Variants in KRT86 observed in about 807,000 individuals in gnomAD.
KRT86 encodes the protein keratin, type II cuticular Hb6.
A neutral mutation model predicts 41.2 loss-of-function variants in KRT86; 30 were observed. The ratio of observed to expected loss-of-function variants is 0.73; its 90% CI spans 0.54 to 0.99. The LOEUF (loss-of-function observed/expected upper bound fraction) is 0.99. KRT86 is among the 50% of genes least tolerant of loss of function. KRT86 has a pLI of 0.00. For synonymous variants in KRT86, 238 were observed against 238.1 expected (o/e 1.00, Z 0.00); for missense variants, 561 against 571.4 (o/e 0.98, Z 0.19).
intron 2 of KRT86, among the ~76,000 whole-genome samples, chr12:52,296,206 G>C (rs1565745204): frequency 6.6e-6 from 1 of 152,196 alleles, no homozygotes; most frequent in Non-Finnish European, 1.5e-5. Flanking sequence ...TGCATGGGTG[G>C]AGAAGAAAAT....
chr12:52,286,324 G>A (rs370312171), intron 2 of KRT86: 22 of 1,554,534 alleles, frequency 1.4e-5, no homozygotes, highest in Admixed American at 1.2e-4. Context: ...AGCCCACGCC[G>A]CAGGAACCCC....
intron 2 of KRT86, chr12:52,287,505 T>C: frequency 6.2e-7 from 1 of 1,611,278 alleles, no homozygotes; most frequent in Non-Finnish European, 8.5e-7. Context: ...GGGTGGAGAA[T>C]GAATGCTGAG....
chr12:52,296,513 G>A (rs931684560), intron 2 of KRT86, among the ~76,000 whole-genome samples: 17 of 152,168 alleles, frequency 1.1e-4, no homozygotes, highest in Admixed American at 8.5e-4. Context: ...TACCAGGGTG[G>A]AGCTTTTGAG....
chr12:52,282,272 G>A (rs557218152), intron 2 of KRT86, among the ~76,000 whole-genome samples: 3 of 148,352 alleles, frequency 2.0e-5, no homozygotes, highest in Non-Finnish European at 3.0e-5. Context: ...TTGCTCTGTC[G>A]CCCAGGCTGG....
At chr12:52,284,194 GT>G (rs1185475414) in intron 2 of KRT86, among the ~76,000 whole-genome samples, 2 of 152,080 alleles carry the variant, frequency 1.3e-5, no homozygotes, top group Admixed American at 1.3e-4. Flanking sequence ...GCTGCTTCTT[GT>G]TTTTTTATTT....
rs558242010 is a variant in KRT86, at chr12:52,275,911, T to C, written c.-40T>C. On this transcript the variant is annotated 5_prime_UTR_variant, in exon 2 of 11. Transcript: ENST00000423955. ...GAACAGGCTTAATCAGGCCATCCAG[T>C]GGCTGACGGTGGAGGTGGGCAGTGC... 4.1e-6 allele frequency: 4 copies of C among 986,004 alleles called. No individual in the cohort carries two copies. In the South Asian group the frequency reaches 1.9e-4, roughly 46 times the overall value. 61.1% of individuals were successfully genotyped at this position (986,004 alleles called of 1,614,324 possible).
rs752055470 is a variant in KRT86, at chr12:52,286,392, C to G, written c.-5+10446C>G. 3 of 1,555,348 alleles carry G rather than the reference C, an allele frequency of 1.9e-6. No individual in the cohort carries two copies. In the Admixed American group the frequency reaches 5.8e-5, roughly 30 times the overall value. The stretch of plus-strand genomic sequence containing the variant: ...GCACACAGGCCGGTGCTCACCGCCA[C>G]GTTCCCGTTGCACGGAGCGCTGCAG... On this transcript the variant is annotated intron_variant, in intron 2 of 10. Coordinates refer to ENST00000423955, the MANE Select transcript of KRT86 (RefSeq NM_001320198.2).
In KRT86 at chr12:52,288,336, T is replaced by C. The variant is rs376872589; in HGVS notation, c.-5+12390T>C. The C allele has an allele frequency of 5.2e-4, 832 of 1,613,488 alleles. 1 individual carries two copies. In the African/African-American group the frequency reaches 7.4e-3, roughly 14 times the overall value. ...CTCTCCTCTCTGCTGGCTGCCAGGT[T>C]TCTGTCTGGCCCCTGAGCCCGCACC... On this transcript the variant is annotated intron_variant, in intron 2 of 10. Coordinates refer to ENST00000423955, the MANE Select transcript of KRT86 (RefSeq NM_001320198.2).
At chr12:52,282,857 T>C (rs1052475990) in intron 2 of KRT86, among the ~76,000 whole-genome samples, 10 of 152,216 alleles carry the variant, frequency 6.6e-5, no homozygotes, top group African/African-American at 2.4e-4. Context: ...GATGCACACA[T>C]GTCCACCATG....
chr12:52,306,952 C>G (rs1488592000), intron 9 of KRT86: 1 of 155,758 alleles, frequency 6.4e-6, no homozygotes, highest in African/African-American at 2.4e-5. Context: ...CTATACAGCT[C>G]CTGCTCCCAG....
In KRT86 at chr12:52,297,611, A is replaced by G. The variant is rs538898302; in HGVS notation, c.-4-4302A>G. ...CCCATTCTTTACAAGTGCCCCTTGA[A>G]ATAAAGGTCCACTTGGGCTAAAAGA... On this transcript the variant is annotated intron_variant, in intron 2 of 10. Coordinates refer to ENST00000423955, the MANE Select transcript of KRT86 (RefSeq NM_001320198.2). 5.0e-4 allele frequency among the ~76,000 whole-genome samples: 76 copies of G among 152,316 alleles called. 1 individual carries two copies. In the South Asian group the frequency reaches 0.016, roughly 32 times the overall value.
At chr12:52,306,994 C>T (rs1938534077) in intron 9 of KRT86, 2 of 153,144 alleles carry the variant, frequency 1.3e-5, no homozygotes, top group Admixed American at 1.3e-4. Flanking sequence ...TGAGCTCATT[C>T]TTTGCCCTTG....
chr12:52,287,761 C>G, intron 2 of KRT86: 1 of 1,613,998 alleles, frequency 6.2e-7, no homozygotes, highest in East Asian at 2.2e-5. Context: ...CAGGGTGGGA[C>G]CTCCCATCCA....
At chr12:52,284,144 T>C (rs2121216461) in intron 2 of KRT86, among the ~76,000 whole-genome samples, 1 of 152,218 alleles carries the variant, frequency 6.6e-6, no homozygotes, top group South Asian at 2.1e-4. Flanking sequence ...GGTGCTTGAG[T>C]CTCAGGTCTG....
intron 2 of KRT86, among the ~76,000 whole-genome samples, chr12:52,296,819 A>G (rs1431343182): frequency 6.6e-6 from 1 of 152,240 alleles, no homozygotes; most frequent in African/African-American, 2.4e-5. Context: ...AGCATGAGCC[A>G]GCTGCAAGGT....
At chr12:52,279,845 T>C (rs754290866) in intron 2 of KRT86, among the ~76,000 whole-genome samples, 1 of 152,100 alleles carries the variant, frequency 6.6e-6, no homozygotes, top group Non-Finnish European at 1.5e-5. Flanking sequence ...CATCCATCCA[T>C]TCACTCTACA....
In KRT86 at chr12:52,287,742, C is replaced by G. The variant is rs1360893818; in HGVS notation, c.-5+11796C>G. 1.9e-6 allele frequency: 3 copies of G among 1,613,904 alleles called. No homozygotes were observed. In the South Asian group the frequency reaches 3.3e-5, roughly 18 times the overall value. On this transcript the variant is annotated intron_variant, in intron 2 of 10. Coordinates refer to ENST00000423955, the MANE Select transcript of KRT86 (RefSeq NM_001320198.2). ...TCACACTGGGGGAAGTAGAGATGCTCATGAGGTTCAGGGTGGGACCTCCCA... is the reference window on the plus strand; with the variant it reads ...TCACACTGGGGGAAGTAGAGATGCTGATGAGGTTCAGGGTGGGACCTCCCA...
In KRT86 at chr12:52,291,418, C is replaced by G. The variant is rs149101320; in HGVS notation, c.-4-10495C>G. The stretch of plus-strand genomic sequence containing the variant: ...AGCGGCCGGGCCGCGGCCCGCAGGC[C>G]GAGATGCAGCTGAAGGCGCGCCCAC... On this transcript the variant is annotated intron_variant, in intron 2 of 10. Transcript: ENST00000423955. 2.4e-4 allele frequency: 389 copies of G among 1,611,882 alleles called. 1 individual carries two copies. Among genetic ancestry groups the G allele is most frequent in the South Asian group, 2.2e-3 (198 of 90,914 alleles).
chr12:52,282,163 A>G (rs1937788199), intron 2 of KRT86, among the ~76,000 whole-genome samples: 2 of 152,188 alleles, frequency 1.3e-5, no homozygotes, highest in African/African-American at 2.4e-5. Context: ...CTTAAAGCAT[A>G]GGAAGTTATG....
Sources: allele counts gnomAD v4.1 joint callset (sites outside exome capture counted in the v4.1 genomes callset), GRCh38; gene constraint gnomAD v4.1.1; transcripts MANE v1.5; gene names NCBI Gene and HGNC (gene_info 2026-07-23, HGNC 2026-07-21).